Variants in LRRC56 observed in about 807,000 individuals in gnomAD.
The protein encoded by LRRC56 is leucine-rich repeat-containing protein 56.
A neutral mutation model predicts 47.8 loss-of-function variants in LRRC56; 41 were observed. The observed-to-expected ratio is 0.86, with a 90% CI of 0.67 to 1.11. LRRC56 has a LOEUF of 1.11. LRRC56 is among the 50% of genes most tolerant of loss of function. The probability of loss-of-function intolerance (pLI) is 0.00; values close to 1 mark genes in which losing one functional copy is unlikely to be tolerated. For missense variants in LRRC56, 759 were observed against 704.2 expected (o/e 1.08, Z -0.88); for synonymous variants, 387 against 311.2 (o/e 1.24, Z -2.56).
Position 551,741 on chromosome 11 carries a change from C to G in LRRC56, c.887C>G (p.Ser296Cys). 1 of 1,611,566 alleles carries G rather than the reference C, an allele frequency of 6.2e-7. No individual in the cohort carries two copies. Residue 296 changes from serine (S) to cysteine (C), a missense_variant, in exon 10 of 14, where the codon TCC becomes TGC. Coordinates refer to ENST00000270115, the MANE Select transcript of LRRC56 (RefSeq NM_198075.4). Reference sequence around the variant, plus strand: ...CGGGCCTCCAGGCCCTGGCCCTTCTCCCTGCTGGTCCGTGGGGGCCCCCTG... The same window carrying G: ...CGGGCCTCCAGGCCCTGGCCCTTCTGCCTGCTGGTCCGTGGGGGCCCCCTG... ...QSRASRPWPF[S>C]LLVRGGPLPE...
At chr11:516,187 A>C in the LRRC56 span, among the ~76,000 whole-genome samples, 1 of 151,962 alleles carries the variant, frequency 6.6e-6, no homozygotes, top group Admixed American at 6.6e-5. Flanking sequence ...TGAGGCCAGG[A>C]GTTCAAGACC....
chr11:537,308 T>G (rs1851553442), upstream of LRRC56: 1 of 152,288 alleles, frequency 6.6e-6, no homozygotes, highest in Non-Finnish European at 1.5e-5. Context: ...CTCGAGTTGG[T>G]GGCGCGTCAC....
At position 553,973 on chromosome 11, in the gene LRRC56, G is replaced by A; in HGVS notation, c.1326G>A (p.Gly442=). 3 of 1,611,678 alleles carry A rather than the reference G, an allele frequency of 1.9e-6. No homozygotes were observed. Among genetic ancestry groups the A allele is most frequent in the Non-Finnish European group, 2.5e-6 (3 of 1,179,486 alleles). ...CTGCTTGCTTTCTAGAGCCCTCCGG[G>A]ACCTCGAGCCAGCACCTGGTCCCTT... The part of the protein sequence containing the change: ...SPPSLASEPS[G]TSSQHLVPSP... Residue 442 remains glycine (G), a synonymous_variant, in exon 14 of 14, where the codon GGG becomes GGA. Coordinates refer to ENST00000270115, the MANE Select transcript of LRRC56 (RefSeq NM_198075.4).
In LRRC56 at chr11:552,153, A is replaced by C. The variant is rs147753901; in HGVS notation, c.1102A>C (p.Thr368Pro). 6.7e-4 allele frequency: 1,086 copies of C among 1,611,996 alleles called. 6 individuals carry two copies. The African/African-American group carries it at 0.013, about 19-fold the overall frequency. ...RPGDPAASTS[T>P]PEPDPADSSD... ...AGGAGATCCGGCCGCCAGCACTTCC[A>C]CCCCAGAGCCTGACCCTGCAGACAG... The change falls in exon 12 of 14, where the codon ACC (threonine) becomes CCC (proline). Residue 368 changes from threonine to proline, a missense_variant. Physicochemically the swap from Thr to Pro is conservative, Grantham distance 38 (BLOSUM62 -1). Transcript: ENST00000270115.
the LRRC56 span, among the ~76,000 whole-genome samples, chr11:509,428 A>T: frequency 3.4e-4 from 52 of 152,298 alleles, no homozygotes; most frequent in African/African-American, 1.1e-3. Flanking sequence ...CCCTTTTGTG[A>T]CACCTTGTGG....
chr11:544,323 C>A (rs1268059241), intron 5 of LRRC56, among the ~76,000 whole-genome samples: 2 of 152,208 alleles, frequency 1.3e-5, no homozygotes, highest in South Asian at 2.1e-4. Context: ...GGCCCCAGTT[C>A]TCTGAGCCAA....
the LRRC56 span, among the ~76,000 whole-genome samples, chr11:521,218 C>A: frequency 1.3e-5 from 2 of 152,196 alleles, no homozygotes; most frequent in East Asian, 3.8e-4. Flanking sequence ...GCCTCCCTGT[C>A]CCCACCCTAG....
At chr11:549,319 G>C (rs923174816) in intron 6 of LRRC56, among the ~76,000 whole-genome samples, 1 of 152,164 alleles carries the variant, frequency 6.6e-6, no homozygotes, top group African/African-American at 2.4e-5. Context: ...GGCAGGTGCA[G>C]GGTCCCTGGG....
chr11:554,357 G>A lies in LRRC56; in HGVS notation c.*81G>A. The A allele has an allele frequency of 7.8e-7, 1 of 1,286,226 alleles. No homozygotes were observed. Among genetic ancestry groups the A allele is most frequent in the Admixed American group, 3.1e-5 (1 of 32,724 alleles). The allele number at this position is 1,286,226 out of a possible 1,614,324, so 79.7% of individuals were successfully genotyped here. A position where few individuals can be genotyped will look rare whatever the true frequency, so the allele number is the denominator to read the frequency against. On this transcript the variant is annotated 3_prime_UTR_variant, in exon 14 of 14. Transcript: ENST00000270115. ...TGGTCACAGAGCACAGAATACCTGG[G>A]CGGGTGTGTTGGGGGGTGGAAGGAG...
the LRRC56 span, among the ~76,000 whole-genome samples, chr11:507,469 G>A: frequency 2.0e-5 from 3 of 151,906 alleles, no homozygotes; most frequent in South Asian, 6.2e-4. Flanking sequence ...GCTTGGTGCC[G>A]GGGGCGGGGT....
the LRRC56 span, among the ~76,000 whole-genome samples, chr11:522,756 C>CT: frequency 6.6e-6 from 1 of 151,984 alleles, no homozygotes; most frequent in Non-Finnish European, 1.5e-5. Context: ...ATTTTCTTTT[C>CT]TTTTGAGACA....
At position 552,152 on chromosome 11, in the gene LRRC56, C is replaced by T. The variant is rs1216568865; in HGVS notation, c.1101C>T (p.Ser367=). The T allele has an allele frequency of 6.2e-7, 1 of 1,612,712 alleles. No individual in the cohort carries two copies. Among genetic ancestry groups the T allele is most frequent in the Admixed American group, 1.7e-5 (1 of 60,012 alleles). ...CAGGAGATCCGGCCGCCAGCACTTC[C>T]ACCCCAGAGCCTGACCCTGCAGACA... is the stretch of plus-strand genomic sequence containing the variant. The part of the protein sequence containing the change: ...HRPGDPAAST[S]TPEPDPADSS... The change falls in exon 12 of 14, where the codon TCC becomes TCT. Residue 367 remains serine, a synonymous_variant. Transcript: ENST00000270115.
the LRRC56 span, among the ~76,000 whole-genome samples, chr11:515,146 C>A: frequency 0.085 from 13,002 of 152,176 alleles, 560 homozygotes; most frequent in Middle Eastern, 0.15. Flanking sequence ...CCTGTGGGTG[C>A]ACATGTGGGG....
At chr11:543,751 CTTT>C (rs1851922554) in intron 5 of LRRC56, among the ~76,000 whole-genome samples, 1 of 149,356 alleles carries the variant, frequency 6.7e-6, no homozygotes, top group African/African-American at 2.4e-5. Context: ...TGCGCCCCTT[CTTT>C]TATTTTTTTT....
At chr11:535,772 C>G (rs1851462275), upstream of LRRC56, among the ~76,000 whole-genome samples, 2 of 152,086 alleles carry the variant, frequency 1.3e-5, no homozygotes. Context: ...TGGCTGGAGA[C>G]CGGAGCCGAG....
chr11:552,255 C>T (rs1326239035), intron 12 of LRRC56, 23 bp downstream of exon 12: 1 of 1,600,890 alleles, frequency 6.2e-7, no homozygotes. Context: ...CCAGCTCTTC[C>T]ACTGGGTGTG....
intron 6 of LRRC56, among the ~76,000 whole-genome samples, chr11:546,430 T>C (rs989822718): frequency 2.6e-5 from 4 of 151,464 alleles, no homozygotes; most frequent in African/African-American, 9.7e-5. Context: ...TAGCCGGGCG[T>C]GGTGGTGGGC....
At chr11:517,232 C>T in the LRRC56 span, among the ~76,000 whole-genome samples, 3 of 152,322 alleles carry the variant, frequency 2.0e-5, no homozygotes, top group African/African-American at 7.2e-5. Flanking sequence ...CCTTGGCCTC[C>T]CAAAGTGCTA....
At chr11:546,343 C>T (rs1285194640) in intron 6 of LRRC56, among the ~76,000 whole-genome samples, 1 of 152,072 alleles carries the variant, frequency 6.6e-6, no homozygotes, top group African/African-American at 2.4e-5. Flanking sequence ...CCAAGGTAGG[C>T]AGATCACGAG....
Sources: gnomAD v4.1 joint callset for allele counts (sites outside exome capture counted in the v4.1 genomes callset) on GRCh38, gnomAD v4.1.1 for gene constraint, MANE v1.5 for transcripts, NCBI Gene and HGNC (gene_info 2026-07-23, HGNC 2026-07-21) for gene names.